The following RNASEH1 variants were observed in gnomAD, a reference collection of about 807,000 sequenced individuals.
RNASEH1 encodes the protein ribonuclease H type II.
RNASEH1 carries 27 observed loss-of-function variants against 34.6 expected under a neutral mutation model. That is an observed-to-expected ratio of 0.78 (90% CI 0.58 to 1.08). The LOEUF is 1.08. Among genes scored for constraint, RNASEH1 ranks in the 50% least tolerant of loss-of-function variants. RNASEH1 has a pLI of 0.00. For missense variants in RNASEH1, 349 were observed against 373.6 expected, an observed-to-expected ratio of 0.93 and a Z score of 0.54; for synonymous variants, 162 against 138.4, an observed-to-expected ratio of 1.17 and a Z score of -1.20.
Position 3,545,548 on chromosome 2 carries a change from A to C in RNASEH1, c.*237T>G, listed in dbSNP as rs1044423611. Reference sequence around the variant, plus strand: ...AAGCAAGGACAGTATTGAACCCAGTAAACATAATGTGGAAATCTCACATAA... The same window carrying C: ...AAGCAAGGACAGTATTGAACCCAGTCAACATAATGTGGAAATCTCACATAA... On this transcript the variant is annotated 3_prime_UTR_variant, in exon 8 of 8. Coordinates refer to ENST00000315212, the MANE Select transcript of RNASEH1 (RefSeq NM_002936.6). 2.6e-5 allele frequency: 14 copies of C among 545,282 alleles called. No homozygotes were observed. The highest frequency in any genetic ancestry group is 2.2e-4 in the Admixed American group (7 of 32,416). 33.8% of individuals were successfully genotyped at this position (545,282 alleles called of 1,614,324 possible).
At chr2:3,538,138 C>T (rs1668082556), downstream of RNASEH1, among the ~76,000 whole-genome samples, 4 of 151,792 alleles carry the variant, frequency 2.6e-5, no homozygotes, top group East Asian at 1.9e-4. Context: ...CACATGAGGT[C>T]GGGAGTCGGA....
chr2:3,532,092 T>A, the RNASEH1 span: 1 of 605,164 alleles, frequency 1.7e-6, no homozygotes, highest in Non-Finnish European at 3.0e-6. Flanking sequence ...AGGGTTTTTA[T>A]GCAGCTGACG....
intron 2 of RNASEH1, among the ~76,000 whole-genome samples, chr2:3,553,734 C>T (rs540139120): frequency 6.6e-6 from 1 of 151,998 alleles, no homozygotes; most frequent in African/African-American, 2.4e-5. Flanking sequence ...TGGGAAGGGC[C>T]CATATCTCAC....
chr2:3,553,997 T>C (rs566330891), intron 2 of RNASEH1, among the ~76,000 whole-genome samples: 2 of 152,218 alleles, frequency 1.3e-5, no homozygotes, highest in South Asian at 4.1e-4. Flanking sequence ...CACTACAGGA[T>C]TCACCTCCAG....
Position 3,545,067 on chromosome 2 carries a change from G to T in RNASEH1, c.*718C>A, listed in dbSNP as rs1204657161. On this transcript the variant is annotated 3_prime_UTR_variant, in exon 8 of 8. Transcript: ENST00000315212. The stretch of plus-strand genomic sequence containing the variant: ...TAGGATTACAGAAGTGAGCCACTGT[G>T]CCCAGCCGGTGTCTTACTTTTTTTT... 2 of 149,686 alleles carry T rather than the reference G, an allele frequency of 1.3e-5. No individual in the cohort carries two copies. The highest frequency in any genetic ancestry group is 4.9e-5 in the African/African-American group (2 of 40,766). The allele number at this position is 149,686 out of a possible 1,614,324, so 9.3% of individuals were successfully genotyped here.
chr2:3,547,681 G>A (rs1668887373), intron 7 of RNASEH1, among the ~76,000 whole-genome samples: 1 of 151,938 alleles, frequency 6.6e-6, no homozygotes, highest in African/African-American at 2.4e-5. Flanking sequence ...TAAAGATGGG[G>A]TTTCACCATA....
rs940659482 is a variant in RNASEH1, at chr2:3,542,915, A to G, written c.*2870T>C. Among the ~76,000 whole-genome samples the G allele has an allele frequency of 3.9e-5, 6 of 152,266 alleles. No homozygotes were observed. The East Asian group carries it at 1.2e-3, about 29-fold the overall frequency. ...TTTTTAAAGCTCCGTCCAAAAATCT[A>G]GAAATAATGACCAACGCAATAGCAA... is the stretch of plus-strand genomic sequence containing the variant. On this transcript the variant is annotated 3_prime_UTR_variant, in exon 8 of 8. Coordinates refer to ENST00000315212, the MANE Select transcript of RNASEH1 (RefSeq NM_002936.6).
At chr2:3,554,609 G>C (rs1032886436) in intron 2 of RNASEH1, among the ~76,000 whole-genome samples, 2 of 152,196 alleles carry the variant, frequency 1.3e-5, no homozygotes, top group African/African-American at 4.8e-5. Flanking sequence ...TCACTGACTA[G>C]GAGGTCTCTA....
downstream of RNASEH1, among the ~76,000 whole-genome samples, chr2:3,537,543 T>C (rs1198781950): frequency 6.6e-6 from 1 of 151,888 alleles, no homozygotes; most frequent in African/African-American, 2.4e-5. Context: ...GACAACGTAG[T>C]GAGACCCCAG....
At chr2:3,557,633 A>T (rs1185720028) in intron 1 of RNASEH1, 1 of 363,578 alleles carries the variant, frequency 2.8e-6, no homozygotes, top group African/African-American at 2.2e-5. Flanking sequence ...GAACTTCCTG[A>T]CCCCAAGAAC....
At position 3,541,452 on chromosome 2, in the gene RNASEH1, T is replaced by A. The variant is rs972819134; in HGVS notation, c.*4333A>T. Reference sequence around the variant, plus strand: ...ATATAAATGTTCACGGCAGCTTTATTTGCTTTATTTTTATTTAGAAATTGG... The same window carrying A: ...ATATAAATGTTCACGGCAGCTTTATATGCTTTATTTTTATTTAGAAATTGG... On this transcript the variant is annotated 3_prime_UTR_variant, in exon 8 of 8. Coordinates refer to ENST00000315212, the MANE Select transcript of RNASEH1 (RefSeq NM_002936.6). 1.3e-5 allele frequency among the ~76,000 whole-genome samples: 2 copies of A among 152,182 alleles called. No individual in the cohort carries two copies. The highest frequency in any genetic ancestry group is 2.9e-5 in the Non-Finnish European group (2 of 68,020).
chr2:3,550,079 T>G (rs940670310), intron 4 of RNASEH1: 42 of 314,026 alleles, frequency 1.3e-4, no homozygotes, highest in African/African-American at 9.0e-4. Flanking sequence ...GAAGGTGAAG[T>G]CTGCAGTGAG....
At chr2:3,537,967 G>T (rs1392300691), downstream of RNASEH1, among the ~76,000 whole-genome samples, 1 of 152,062 alleles carries the variant, frequency 6.6e-6, no homozygotes, top group Non-Finnish European at 1.5e-5. Context: ...AACCCAGGAG[G>T]CGGAGGTTGC....
Position 3,552,240 on chromosome 2 carries a change from C to T in RNASEH1, c.313G>A (p.Gly105Arg), listed in dbSNP as rs763404990. The T allele has an allele frequency of 6.2e-7, 1 of 1,613,992 alleles. No homozygotes were observed. The highest frequency in any genetic ancestry group is 1.7e-5 in the Admixed American group (1 of 60,024). The change falls in exon 3 of 8, where the codon GGA becomes AGA. Residue 105 changes from glycine to arginine, a missense_variant. Physicochemically the swap from Gly to Arg is moderately radical, Grantham distance 125. Around this residue, in one of 2 missense-constraint regions of RNASEH1, gnomAD observed 256 missense variants for 240.7 expected, o/e 1.06. Transcript: ENST00000315212. ...GGCTCTGCGCTTTCATGTCCATCTC[C>T]ATCCAGTGGCTCACGGAGTCGCTTG... ...ASKRLREPLDGDGHESAEPYA... is the reference protein window; with the variant it reads ...ASKRLREPLDRDGHESAEPYA...
rs938159265 is a variant in RNASEH1 at position 3,541,544 on chromosome 2, T to C, written c.*4241A>G. On this transcript the variant is annotated 3_prime_UTR_variant, in exon 8 of 8. Transcript: ENST00000315212. ...TGGTATATCCATGCAATACAAAATG[T>C]GGATTATTGATGTACACAAAATGGG... is the stretch of plus-strand genomic sequence containing the variant. Among the ~76,000 whole-genome samples, 2 of 152,290 alleles carry C rather than the reference T, an allele frequency of 1.3e-5. No homozygotes were observed. Among genetic ancestry groups the C allele is most frequent in the Middle Eastern group, 3.4e-3 (1 of 294 alleles).
At chr2:3,532,104 G>A in the RNASEH1 span, 3 of 618,618 alleles carry the variant, frequency 4.8e-6, no homozygotes, top group Admixed American at 7.7e-5. Context: ...CAGCTGACGA[G>A]TCAGGGAAGG....
intron 7 of RNASEH1, among the ~76,000 whole-genome samples, chr2:3,547,503 G>A (rs1018547922): frequency 1.3e-5 from 2 of 148,804 alleles, no homozygotes; most frequent in Non-Finnish European, 3.0e-5. Context: ...TTTTTGAGAC[G>A]GGGTCTTGGA....
intron 1 of RNASEH1, among the ~76,000 whole-genome samples, chr2:3,557,508 C>A (rs1413457499): frequency 1.3e-5 from 2 of 152,182 alleles, no homozygotes; most frequent in African/African-American, 4.8e-5. Flanking sequence ...ACTGTAGCTG[C>A]CGTGCATGGG....
chr2:3,549,443 A>G (rs1054074076), intron 4 of RNASEH1, among the ~76,000 whole-genome samples: 2 of 152,192 alleles, frequency 1.3e-5, no homozygotes, highest in Non-Finnish European at 2.9e-5. Flanking sequence ...TGAAACTACT[A>G]AAAACCTCCA....
Sources: allele counts gnomAD v4.1 joint callset (sites outside exome capture counted in the v4.1 genomes callset), GRCh38; gene constraint gnomAD v4.1.1; regional missense constraint gnomAD v4.1.1; transcripts MANE v1.5; gene names NCBI Gene and HGNC (gene_info 2026-07-23, HGNC 2026-07-21).